TBC1D22A: variants seen among roughly 807,000 people sequenced by gnomAD.
The protein encoded by TBC1D22A is TBC1 domain family member 22A.
A neutral mutation model predicts 60.2 loss-of-function variants in TBC1D22A; 38 were observed. That is an observed-to-expected ratio of 0.63 (90% CI 0.49 to 0.83). The LOEUF (loss-of-function observed/expected upper bound fraction) is 0.83. TBC1D22A is among the 40% of genes least tolerant of loss of function. The probability of loss-of-function intolerance (pLI) is 0.00; values close to 1 mark genes in which losing one functional copy is unlikely to be tolerated. For missense variants in TBC1D22A, 628 were observed against 701.0 expected, an observed-to-expected ratio of 0.90 and a Z score of 1.18; for synonymous variants, 302 against 281.7, an observed-to-expected ratio of 1.07 and a Z score of -0.72.
chr22:46,881,756 A>G (rs2067862941), intron 5 of TBC1D22A, among the ~76,000 whole-genome samples: 1 of 152,140 alleles, frequency 6.6e-6, no homozygotes, highest in Admixed American at 6.5e-5. Context: ...TGGCAGCTAG[A>G]GTAGGGGGCA....
intron 12 of TBC1D22A, among the ~76,000 whole-genome samples, chr22:47,135,632 T>G (rs891206631): frequency 4.6e-5 from 7 of 152,210 alleles, no homozygotes; most frequent in African/African-American, 1.7e-4. Context: ...CCCACAGGGC[T>G]GGTAGCCATG....
chr22:46,876,474 C>T (rs1454637992), intron 4 of TBC1D22A, among the ~76,000 whole-genome samples: 2 of 152,214 alleles, frequency 1.3e-5, no homozygotes, highest in Admixed American at 1.3e-4. Flanking sequence ...TCTTGCTTAT[C>T]TCAGAACTCT....
At chr22:47,052,060 A>G (rs1355240459) in intron 11 of TBC1D22A, among the ~76,000 whole-genome samples, 1 of 143,322 alleles carries the variant, frequency 7.0e-6, no homozygotes, top group Non-Finnish European at 1.6e-5. Context: ...AGGGTGGGGC[A>G]GGCTCTCACT....
chr22:46,953,242 T>C (rs530307540), intron 8 of TBC1D22A, among the ~76,000 whole-genome samples: 13 of 152,238 alleles, frequency 8.5e-5, no homozygotes, highest in Non-Finnish European at 1.3e-4. Flanking sequence ...TTACATTATA[T>C]GTTTTATTGC....
chr22:47,099,734 C>T (rs193072046), intron 11 of TBC1D22A, among the ~76,000 whole-genome samples: 10 of 150,858 alleles, frequency 6.6e-5, no homozygotes, highest in Admixed American at 2.6e-4. Flanking sequence ...CGTGAGCTAC[C>T]GCACCTGGCC....
At chr22:46,881,232 G>T (rs532674528) in intron 5 of TBC1D22A, among the ~76,000 whole-genome samples, 52 of 152,268 alleles carry the variant, frequency 3.4e-4, no homozygotes, top group African/African-American at 1.1e-3. Flanking sequence ...AAGAGCCGTT[G>T]GTTGGTTCAT....
intron 1 of TBC1D22A, among the ~76,000 whole-genome samples, chr22:46,784,299 T>C (rs2084067213): frequency 6.6e-6 from 1 of 152,156 alleles, no homozygotes; most frequent in South Asian, 2.1e-4. Flanking sequence ...CTGCCTGGTC[T>C]CAAGTGATCC....
At chr22:47,072,703 A>G (rs538576873) in intron 11 of TBC1D22A, among the ~76,000 whole-genome samples, 103 of 152,346 alleles carry the variant, frequency 6.8e-4, no homozygotes, top group African/African-American at 2.4e-3. Flanking sequence ...TGGTGAGCAC[A>G]TGGCACCCCG....
At chr22:47,064,139 G>A (rs1228388603) in intron 11 of TBC1D22A, among the ~76,000 whole-genome samples, 1 of 152,248 alleles carries the variant, frequency 6.6e-6, no homozygotes, top group Non-Finnish European at 1.5e-5. Flanking sequence ...TCCACTCGCT[G>A]TGGACAGGCC....
chr22:46,893,035 A>G (rs574325515), intron 6 of TBC1D22A, among the ~76,000 whole-genome samples: 37 of 152,250 alleles, frequency 2.4e-4, no homozygotes, highest in Admixed American at 2.4e-3. Flanking sequence ...TTTCTCCTTT[A>G]CATCCACTTG....
intron 8 of TBC1D22A, among the ~76,000 whole-genome samples, chr22:46,917,367 G>T (rs541697242): frequency 1.3e-5 from 2 of 152,308 alleles, no homozygotes; most frequent in South Asian, 4.1e-4. Flanking sequence ...CAGGAGACTC[G>T]CTGACGGAGG....
At chr22:47,051,352 T>G (rs893091494) in intron 11 of TBC1D22A, among the ~76,000 whole-genome samples, 1 of 152,236 alleles carries the variant, frequency 6.6e-6, no homozygotes, top group African/African-American at 2.4e-5. Context: ...ATTTGTAAGA[T>G]TTTTTTATAC....
intron 11 of TBC1D22A, among the ~76,000 whole-genome samples, chr22:47,053,458 C>G (rs1042281775): frequency 3.3e-5 from 5 of 152,210 alleles, no homozygotes; most frequent in Admixed American, 6.5e-5. Flanking sequence ...AGGGCCGCCT[C>G]GTCAGGCGCA....
At chr22:47,166,979 G>A (rs1756736775) in intron 12 of TBC1D22A, among the ~76,000 whole-genome samples, 2 of 152,234 alleles carry the variant, frequency 1.3e-5, no homozygotes, top group Admixed American at 1.3e-4. Flanking sequence ...AGCCGGACAA[G>A]GAGGATCCAG....
intron 12 of TBC1D22A, among the ~76,000 whole-genome samples, chr22:47,159,915 G>GTCACATGCA (rs1556339616): frequency 6.7e-5 from 10 of 149,968 alleles, no homozygotes; most frequent in African/African-American, 1.7e-4. Flanking sequence ...ACACACATGT[G>GTCACATGCA]CCACATACAT....
chr22:46,770,404 C>T (rs971533846), intron 1 of TBC1D22A, among the ~76,000 whole-genome samples: 4 of 152,210 alleles, frequency 2.6e-5, no homozygotes, highest in African/African-American at 7.2e-5. Flanking sequence ...AGACCCATGC[C>T]GGATTTCTGA....
At chr22:47,027,923 T>G (rs540991498) in intron 10 of TBC1D22A, among the ~76,000 whole-genome samples, 4 of 152,166 alleles carry the variant, frequency 2.6e-5, no homozygotes, top group Non-Finnish European at 5.9e-5. Flanking sequence ...AGCTTTGAAC[T>G]GCGGGTTCCC....
rs190930173 is a variant in TBC1D22A, at chr22:46,818,064, G to T, written c.637+20444G>T. Among the ~76,000 whole-genome samples the T allele has an allele frequency of 3.2e-3, 489 of 152,312 alleles. 1 individual carries two copies. The highest frequency in any genetic ancestry group is 0.011 in the African/African-American group (467 of 41,574). On this transcript the variant is annotated intron_variant, in intron 4 of 12. Transcript: ENST00000337137. The stretch of plus-strand genomic sequence containing the variant: ...CCGCATAAATGTCTTCTTTTGAGAA[G>T]TATCTGTTCATATCCTTCTCCCACT...
intron 8 of TBC1D22A, among the ~76,000 whole-genome samples, chr22:46,941,525 C>T (rs71313076): frequency 3.7e-5 from 3 of 82,134 alleles, no homozygotes; most frequent in South Asian, 3.2e-4. Context: ...TATATATACA[C>T]GGAATATATA....
Sources: allele counts gnomAD v4.1 joint callset (sites outside exome capture counted in the v4.1 genomes callset), GRCh38; gene constraint gnomAD v4.1.1; transcripts MANE v1.5; gene names NCBI Gene and HGNC (gene_info 2026-07-23, HGNC 2026-07-21).